SMAP1: variants seen among roughly 807,000 people sequenced by gnomAD.
The protein encoded by SMAP1 is stromal membrane-associated protein 1.
Under a neutral mutation model 58.5 loss-of-function variants are expected in SMAP1, and 24 were observed. The observed-to-expected ratio is 0.41, with a 90% CI of 0.30 to 0.58. The LOEUF (loss-of-function observed/expected upper bound fraction) is 0.58. Ranked by LOEUF, SMAP1 falls within the 20% of genes least tolerant of loss-of-function variation. The pLI is 0.29. For missense variants in SMAP1, 563 were observed against 566.3 expected (o/e 0.99, Z 0.06); for synonymous variants, 216 against 196.6 (o/e 1.10, Z -0.82).
At chr6:70,796,742 A>T (rs1230984114) in intron 5 of SMAP1, among the ~76,000 whole-genome samples, 2 of 152,180 alleles carry the variant, frequency 1.3e-5, no homozygotes, top group Non-Finnish European at 2.9e-5. Flanking sequence ...TTAATGTTTA[A>T]GGCAAAATGT....
intron 3 of SMAP1, chr6:70,760,006 T>G (rs1032948701): frequency 1.1e-5 from 3 of 277,624 alleles, no homozygotes; most frequent in African/African-American, 2.2e-5. Context: ...AAGGATGAGA[T>G]GCTCAAAGAG....
chr6:70,686,237 T>A (rs1293711838), intron 1 of SMAP1, among the ~76,000 whole-genome samples: 1 of 152,254 alleles, frequency 6.6e-6, no homozygotes, highest in African/African-American at 2.4e-5. Context: ...TTAGTATTTT[T>A]ATGCTTTTCT....
intron 3 of SMAP1, among the ~76,000 whole-genome samples, chr6:70,761,987 C>CT (rs1435973310): frequency 6.6e-6 from 1 of 152,078 alleles, no homozygotes; most frequent in African/African-American, 2.4e-5. Flanking sequence ...ATCAGCTAAC[C>CT]TAAAGGTCAC....
Position 70,860,256 on chromosome 6 carries a change from T to C in SMAP1, c.1326T>C (p.Phe442=), listed in dbSNP as rs1771655634. 1 of 1,613,766 alleles carries C rather than the reference T, an allele frequency of 6.2e-7. No homozygotes were observed. The part of the protein sequence containing the change: ...SISSATPTAG[F]GQPSSTTAGW... ...GTAGTGCAACCCCTACTGCAGGTTT[T>C]GGCCAGCCCTCCAGCACAACAGCAG... The change falls in exon 11 of 11, where the codon TTT becomes TTC. Residue 442 remains phenylalanine, a synonymous_variant. Coordinates refer to ENST00000370455, the MANE Select transcript of SMAP1 (RefSeq NM_001044305.3).
At chr6:70,792,178 TATGG>T (rs1768391778) in intron 5 of SMAP1, among the ~76,000 whole-genome samples, 1 of 152,168 alleles carries the variant, frequency 6.6e-6, no homozygotes, top group Non-Finnish European at 1.5e-5. Flanking sequence ...AAACGTGTAT[TATGG>T]GATAATGAGT....
chr6:70,695,938 A>G (rs1180922717), intron 1 of SMAP1, among the ~76,000 whole-genome samples: 1 of 152,142 alleles, frequency 6.6e-6, no homozygotes, highest in African/African-American at 2.4e-5. Context: ...TTTGTATTAC[A>G]GCTTCAATCT....
intron 1 of SMAP1, among the ~76,000 whole-genome samples, chr6:70,669,518 A>G (rs143367815): frequency 0.013 from 1,976 of 152,324 alleles, 12 homozygotes; most frequent in Non-Finnish European, 0.022. Flanking sequence ...TTTTCAGGTG[A>G]TGAGTTTTTA....
chr6:70,820,152 T>C (rs1032311440), intron 6 of SMAP1, among the ~76,000 whole-genome samples: 2 of 152,216 alleles, frequency 1.3e-5, no homozygotes, highest in Non-Finnish European at 2.9e-5. Flanking sequence ...CAGAATGTTA[T>C]AAGCAAAAAT....
At chr6:70,819,977 T>C (rs541459345) in intron 6 of SMAP1, among the ~76,000 whole-genome samples, 3 of 152,188 alleles carry the variant, frequency 2.0e-5, no homozygotes, top group Non-Finnish European at 4.4e-5. Flanking sequence ...GTGGCTTCAG[T>C]CCCACTGTCT....
At chr6:70,835,125 A>T (rs1240381543) in intron 6 of SMAP1, among the ~76,000 whole-genome samples, 1 of 151,118 alleles carries the variant, frequency 6.6e-6, no homozygotes, top group East Asian at 2.0e-4. Flanking sequence ...GGTGGTGGGC[A>T]CCTGTAGTCC....
At chr6:70,745,171 A>G (rs1044885165) in intron 2 of SMAP1, among the ~76,000 whole-genome samples, 1 of 152,132 alleles carries the variant, frequency 6.6e-6, no homozygotes, top group Non-Finnish European at 1.5e-5. Context: ...GAAGCTCTTT[A>G]GTTTAATTAG....
At chr6:70,852,898 A>G (rs995289762) in intron 8 of SMAP1, among the ~76,000 whole-genome samples, 1 of 152,184 alleles carries the variant, frequency 6.6e-6, no homozygotes, top group African/African-American at 2.4e-5. Context: ...TTCCTGCTAC[A>G]AAAGCAGAGT....
At chr6:70,851,329 A>C (rs1343400791) in intron 7 of SMAP1, among the ~76,000 whole-genome samples, 2 of 152,214 alleles carry the variant, frequency 1.3e-5, no homozygotes, top group Non-Finnish European at 2.9e-5. Context: ...GAACTCTCTA[A>C]GTTTCTGTGG....
At position 70,855,889 on chromosome 6, in the gene SMAP1, G is replaced by A. The variant is rs144044154; in HGVS notation, c.790-970G>A. On this transcript the variant is annotated intron_variant, in intron 8 of 10. Transcript: ENST00000370455. ...TATTTGAATTTTTGGAAAATTAAGC[G>A]GCTTTTTGTCGCTTACAATTCTTGC... 7.1e-3 allele frequency among the ~76,000 whole-genome samples: 1,074 copies of A among 152,218 alleles called. 18 individuals are homozygous for A. Among genetic ancestry groups the A allele is most frequent in the African/African-American group, 0.025 (1,026 of 41,524 alleles).
chr6:70,788,564 G>A (rs1277206936), intron 4 of SMAP1, among the ~76,000 whole-genome samples: 2 of 152,260 alleles, frequency 1.3e-5, no homozygotes, highest in Admixed American at 1.3e-4. Context: ...ATTTCCCAGA[G>A]GAAGCAGTTT....
chr6:70,709,497 T>C (rs1582039594), intron 1 of SMAP1, among the ~76,000 whole-genome samples: 1 of 152,240 alleles, frequency 6.6e-6, no homozygotes, highest in Non-Finnish European at 1.5e-5. Flanking sequence ...TGGTTAATTT[T>C]TAAATTTTTT....
At chr6:70,812,032 T>A (rs1007551440) in intron 6 of SMAP1, among the ~76,000 whole-genome samples, 1 of 152,212 alleles carries the variant, frequency 6.6e-6, no homozygotes, top group Non-Finnish European at 1.5e-5. Flanking sequence ...TTCATCATGT[T>A]ACTCAGAACC....
At chr6:70,823,955 A>G (rs571500021) in intron 6 of SMAP1, among the ~76,000 whole-genome samples, 4 of 150,822 alleles carry the variant, frequency 2.7e-5, no homozygotes, top group South Asian at 2.1e-4. Flanking sequence ...GGTGAGGGCC[A>G]CCCTATGACC....
Position 70,668,001 on chromosome 6 carries a change from A to G in SMAP1, c.-23A>G, listed in dbSNP as rs1243280977. 2 of 1,566,700 alleles carry G rather than the reference A, an allele frequency of 1.3e-6. No individual in the cohort carries two copies. The highest frequency in any genetic ancestry group is 1.2e-5 in the South Asian group (1 of 86,516). On this transcript the variant is annotated 5_prime_UTR_variant, in exon 1 of 11. Transcript: ENST00000370455. ...CGTCCGCCGCCGCCGTAGCTGCCCCAGGCTCCCCGCCCCGCTGCCGAGATG... is the reference window on the plus strand; with the variant it reads ...CGTCCGCCGCCGCCGTAGCTGCCCCGGGCTCCCCGCCCCGCTGCCGAGATG...
Sources: allele counts gnomAD v4.1 joint callset (sites outside exome capture counted in the v4.1 genomes callset), GRCh38; gene constraint gnomAD v4.1.1; transcripts MANE v1.5; gene names NCBI Gene and HGNC (gene_info 2026-07-23, HGNC 2026-07-21).